Variants in MTFR1 observed in about 807,000 individuals in gnomAD.
MTFR1 encodes chondrocyte protein with a poly-proline region.
In MTFR1, 28 loss-of-function variants were observed where a neutral mutation model predicts 38.8. The observed-to-expected ratio is 0.72, with a 90% CI of 0.53 to 0.99. MTFR1 has a LOEUF of 0.99. Among genes scored for constraint, MTFR1 ranks in the 50% least tolerant of loss-of-function variants. MTFR1 has a pLI of 0.00. For synonymous variants in MTFR1, 145 were observed against 137.0 expected (o/e 1.06, Z -0.41); for missense variants, 358 against 395.5 (o/e 0.91, Z 0.81).
intron 1 of MTFR1, among the ~76,000 whole-genome samples, chr8:65,669,671 C>T (rs1055125089): frequency 1.3e-5 from 2 of 152,024 alleles, no homozygotes; most frequent in Non-Finnish European, 2.9e-5. Flanking sequence ...CCTGCCTCGG[C>T]CTCCTGAGTA....
chr8:65,727,907 A>G (rs1380708101), intron 3 of MTFR1: 3 of 152,244 alleles, frequency 2.0e-5, no homozygotes, highest in African/African-American at 7.2e-5. Context: ...GCAATCTTGC[A>G]CACCAGAAAT....
chr8:65,670,048 C>A, intron 2 of MTFR1, 30 bp downstream of exon 2: 1 of 1,553,136 alleles, frequency 6.4e-7, no homozygotes, highest in South Asian at 1.2e-5. Flanking sequence ...TTTTTAAATC[C>A]CGACATTTAG....
intron 3 of MTFR1, among the ~76,000 whole-genome samples, chr8:65,730,167 A>ACTT (rs201329414): frequency 0.029 from 839 of 29,162 alleles, 96 homozygotes; most frequent in East Asian, 0.11. Context: ...CAGGTTGCGC[A>ACTT]CTTCTTTTTT....
intron 3 of MTFR1, chr8:65,724,675 A>G: frequency 9.7e-7 from 1 of 1,034,386 alleles, no homozygotes; most frequent in Non-Finnish European, 1.4e-6. Context: ...GCTTGCCCTC[A>G]AGATTTAACC....
In MTFR1 at chr8:65,669,998, G is replaced by A; in HGVS notation, c.46G>A (p.Val16Ile). Residue 16 changes from valine (V) to isoleucine (I), a missense_variant, in exon 2 of 8, where the codon GTT becomes ATT. Physicochemically the swap from Val to Ile is conservative, Grantham distance 29 (BLOSUM62 3). Coordinates refer to ENST00000262146, the MANE Select transcript of MTFR1 (RefSeq NM_014637.4). ...CCTAATTAGGATGGTTTTTCAACAA[G>A]TTGGAGTAAGCATGCAATCGGTGAG... The part of the protein sequence containing the change: ...KRLIRMVFQQ[V>I]GVSMQSVLWS... The A allele has an allele frequency of 1.2e-6, 2 of 1,605,722 alleles. No homozygotes were observed. Among genetic ancestry groups the A allele is most frequent in the Non-Finnish European group, 1.7e-6 (2 of 1,178,478 alleles).
At chr8:65,730,315 GT>G (rs1806825128) in intron 3 of MTFR1, among the ~76,000 whole-genome samples, 2 of 150,770 alleles carry the variant, frequency 1.3e-5, no homozygotes, top group Admixed American at 1.3e-4. Context: ...CAAGTAGCTG[GT>G]ATTACAGGCA....
chr8:65,743,839 CTT>C (rs71981429), intron 3 of MTFR1, among the ~76,000 whole-genome samples: 2 of 145,258 alleles, frequency 1.4e-5, no homozygotes, highest in Non-Finnish European at 1.5e-5. Flanking sequence ...AGCTGAATTG[CTT>C]TTTTTTTTTT....
At chr8:65,704,008 G>T (rs1251969986) in intron 4 of MTFR1, among the ~76,000 whole-genome samples, 1 of 151,968 alleles carries the variant, frequency 6.6e-6, no homozygotes, top group Non-Finnish European at 1.5e-5. Context: ...GAGCCACGGA[G>T]TTATACCAGC....
chr8:65,729,587 A>G (rs1430234573), intron 3 of MTFR1, among the ~76,000 whole-genome samples: 1 of 151,932 alleles, frequency 6.6e-6, no homozygotes, highest in East Asian at 1.9e-4. Flanking sequence ...TTTTTTTGTG[A>G]CAGAGTCTTG....
chr8:65,707,899 T>C lies in MTFR1; in HGVS notation c.821T>C (p.Ile274Thr). Residue 274 changes from isoleucine to threonine, a missense_variant, in exon 7 of 8, where the codon ATA becomes ACA. Ile to Thr is a moderately conservative substitution (Grantham distance 89, BLOSUM62 -1). Transcript: ENST00000262146. ...GATGCTACTGACCCTGCTGCCCTCA[T>C]AGCAGAGGCTCTGAAAAAGAAATTT... ...PVDATDPAALIAEALKKKFAY... is the reference protein window; with the variant it reads ...PVDATDPAALTAEALKKKFAY... 6.2e-7 allele frequency: 1 copy of C among 1,614,140 alleles called. No individual in the cohort carries two copies. The highest frequency in any genetic ancestry group is 2.2e-5 in the East Asian group (1 of 44,888).
At chr8:65,717,251 T>G (rs1806178049) in intron 2 of MTFR1, among the ~76,000 whole-genome samples, 1 of 152,186 alleles carries the variant, frequency 6.6e-6, no homozygotes. Context: ...TTGCACCATA[T>G]CCCTTCTAAT....
At chr8:65,768,011 G>A (rs545259310) in intron 3 of MTFR1, among the ~76,000 whole-genome samples, 21 of 152,104 alleles carry the variant, frequency 1.4e-4, no homozygotes, top group Middle Eastern at 3.4e-3. Context: ...TTAACCTGTG[G>A]GGTCTGACAC....
At chr8:65,691,299 A>G (rs1032865738) in intron 3 of MTFR1, among the ~76,000 whole-genome samples, 2 of 151,910 alleles carry the variant, frequency 1.3e-5, no homozygotes, top group Admixed American at 6.6e-5. Context: ...TAAAATTTCT[A>G]TTTTTTGAGA....
chr8:65,716,599 A>G (rs968984155), intron 2 of MTFR1, among the ~76,000 whole-genome samples: 3 of 152,206 alleles, frequency 2.0e-5, no homozygotes, highest in African/African-American at 7.2e-5. Context: ...ATCCATGCTC[A>G]CCAGCTGCTC....
intron 3 of MTFR1, among the ~76,000 whole-genome samples, chr8:65,741,789 T>C (rs1357262963): frequency 6.6e-6 from 1 of 152,216 alleles, no homozygotes; most frequent in Non-Finnish European, 1.5e-5. Context: ...TAGATTATCA[T>C]AAGGTTCTCC....
downstream of MTFR1, among the ~76,000 whole-genome samples, chr8:65,715,101 T>G (rs542437874): frequency 4.3e-4 from 66 of 152,252 alleles, no homozygotes; most frequent in African/African-American, 1.3e-3. Context: ...TGTGTGAAAA[T>G]TTTTAGTCTC....
At chr8:65,667,638 G>A (rs112815493) in intron 1 of MTFR1, among the ~76,000 whole-genome samples, 29,163 of 151,908 alleles carry the variant, frequency 0.19, 2,956 homozygotes, top group Middle Eastern at 0.23. Context: ...ATGTTGGCCA[G>A]GCTGGTCTTG....
At chr8:65,715,741 T>C (rs1806107408) in intron 2 of MTFR1, among the ~76,000 whole-genome samples, 1 of 147,132 alleles carries the variant, frequency 6.8e-6, no homozygotes, top group Non-Finnish European at 1.5e-5. Flanking sequence ...ATCCCAGCAC[T>C]ATGGGAGGCC....
intron 1 of MTFR1, among the ~76,000 whole-genome samples, chr8:65,649,283 C>G (rs758809186): frequency 2.0e-5 from 3 of 152,020 alleles, no homozygotes; most frequent in Non-Finnish European, 4.4e-5. Context: ...CTCCCAGGTT[C>G]AAGTGATTCT....
Sources: gnomAD v4.1 joint callset for allele counts (sites outside exome capture counted in the v4.1 genomes callset) on GRCh38, gnomAD v4.1.1 for gene constraint, MANE v1.5 for transcripts, NCBI Gene and HGNC (gene_info 2026-07-23, HGNC 2026-07-21) for gene names.